The following AUTS2 variants were observed in gnomAD, a reference collection of about 807,000 sequenced individuals.
AUTS2 encodes autism susceptibility gene 2 protein.
A neutral mutation model predicts 112.4 loss-of-function variants in AUTS2; 17 were observed. The ratio of observed to expected loss-of-function variants is 0.15; its 90% CI spans 0.10 to 0.23. The LOEUF (loss-of-function observed/expected upper bound fraction) is 0.23, where lower values mean the gene tolerates loss of function less well. AUTS2 is among the 10% of genes least tolerant of loss of function. AUTS2 has a pLI of 1.00. For synonymous variants in AUTS2, 751 were observed against 702.7 expected, an observed-to-expected ratio of 1.07 and a Z score of -1.09; for missense variants, 1,510 against 1,701.6, an observed-to-expected ratio of 0.89 and a Z score of 1.98.
At chr7:70,483,024 G>C (rs1462278134) in intron 5 of AUTS2, among the ~76,000 whole-genome samples, 2 of 152,098 alleles carry the variant, frequency 1.3e-5, no homozygotes, top group African/African-American at 4.8e-5. Context: ...AAATCTGCAT[G>C]GCCCCTTCTT....
intron 6 of AUTS2, among the ~76,000 whole-genome samples, chr7:70,736,935 C>T (rs909261941): frequency 1.3e-5 from 2 of 152,148 alleles, no homozygotes; most frequent in Non-Finnish European, 2.9e-5. Flanking sequence ...TGTAAATCAC[C>T]GGCATTCCTG....
rs1467825379 is a variant in AUTS2 at position 70,118,125 on chromosome 7, C to T, written c.523-7C>T. ...TTTTCCTTTTTTCTCTTTTCTTTTG[C>T]CTTTAGCTCAAGCCAGGACAGAACA... On this transcript the variant is annotated splice_polypyrimidine_tract_variant and splice_region_variant and intron_variant, in intron 2 of 18. Transcript: ENST00000342771. 6.3e-7 allele frequency: 1 copy of T among 1,577,372 alleles called. No homozygotes were observed. The highest frequency in any genetic ancestry group is 2.3e-5 in the East Asian group (1 of 43,550).
At chr7:70,245,101 CAG>C (rs942621256) in intron 4 of AUTS2, among the ~76,000 whole-genome samples, 12 of 123,086 alleles carry the variant, frequency 9.7e-5, no homozygotes, top group Admixed American at 3.8e-4. Flanking sequence ...GCCTGGGTGA[CAG>C]AGTGAGATCC....
At chr7:69,910,377 A>G (rs1795304079) in intron 2 of AUTS2, among the ~76,000 whole-genome samples, 1 of 152,232 alleles carries the variant, frequency 6.6e-6, no homozygotes, top group South Asian at 2.1e-4. Flanking sequence ...ACACCTGCCA[A>G]GGGCGAGCCA....
chr7:70,256,537 A>C (rs1429492700), intron 4 of AUTS2, among the ~76,000 whole-genome samples: 6 of 152,238 alleles, frequency 3.9e-5, no homozygotes, highest in African/African-American at 1.4e-4. Context: ...ACGAGGAAGC[A>C]GTCTCAGAAT....
intron 4 of AUTS2, among the ~76,000 whole-genome samples, chr7:70,385,458 C>T (rs907031428): frequency 1.3e-5 from 2 of 152,198 alleles, no homozygotes; most frequent in Non-Finnish European, 1.5e-5. Context: ...CACAATTAAA[C>T]AAGTATCAAC....
At chr7:70,466,219 A>T (rs1797161724) in intron 5 of AUTS2, among the ~76,000 whole-genome samples, 1 of 152,216 alleles carries the variant, frequency 6.6e-6, no homozygotes, top group Non-Finnish European at 1.5e-5. Context: ...ATAAACAATG[A>T]AACAAGCTGA....
chr7:69,667,215 C>T (rs1225552968), intron 1 of AUTS2, among the ~76,000 whole-genome samples: 2 of 152,124 alleles, frequency 1.3e-5, no homozygotes, highest in Non-Finnish European at 2.9e-5. Flanking sequence ...AGGGCAGAGC[C>T]CCCATGACCC....
intron 5 of AUTS2, among the ~76,000 whole-genome samples, chr7:70,454,866 C>T (rs940918279): frequency 1.3e-5 from 2 of 152,198 alleles, no homozygotes; most frequent in African/African-American, 4.8e-5. Flanking sequence ...CCTCCCAAGG[C>T]TGTGGCAAAG....
chr7:70,283,662 A>G (rs1003367961), intron 4 of AUTS2, among the ~76,000 whole-genome samples: 1 of 152,158 alleles, frequency 6.6e-6, no homozygotes, highest in Non-Finnish European at 1.5e-5. Flanking sequence ...GTTAGGTTTT[A>G]CTTATTTTTT....
chr7:70,129,900 AT>A (rs1197712834), intron 3 of AUTS2, among the ~76,000 whole-genome samples: 194 of 141,662 alleles, frequency 1.4e-3, no homozygotes, highest in African/African-American at 4.9e-3. Flanking sequence ...ATATATATAT[AT>A]TGTGTGTGTG....
intron 1 of AUTS2, among the ~76,000 whole-genome samples, chr7:69,861,750 T>A (rs1350988630): frequency 1.3e-5 from 2 of 152,218 alleles, no homozygotes; most frequent in African/African-American, 2.4e-5. Context: ...AAGCTTTCCT[T>A]GGAATCTCCT....
chr7:70,295,378 TTGGAAGATACTGTCC>T (rs1305443559), intron 4 of AUTS2, among the ~76,000 whole-genome samples: 1 of 152,222 alleles, frequency 6.6e-6, no homozygotes, highest in African/African-American at 2.4e-5. Context: ...TGAGTGTCTT[TTGGAAGATACTGTCC>T]TATGTTGTTC....
At chr7:69,655,211 A>G (rs2129137640) in intron 1 of AUTS2, among the ~76,000 whole-genome samples, 1 of 152,296 alleles carries the variant, frequency 6.6e-6, no homozygotes, top group African/African-American at 2.4e-5. Flanking sequence ...AAAAAAATCT[A>G]CAATCTTGCA....
intron 4 of AUTS2, among the ~76,000 whole-genome samples, chr7:70,206,859 C>T (rs1810600436): frequency 6.6e-6 from 1 of 152,204 alleles, no homozygotes; most frequent in Non-Finnish European, 1.5e-5. Flanking sequence ...TTCTCCTCCT[C>T]AGATAGCAAG....
intron 1 of AUTS2, among the ~76,000 whole-genome samples, chr7:69,704,976 C>G (rs1394257767): frequency 6.6e-6 from 1 of 152,196 alleles, no homozygotes; most frequent in African/African-American, 2.4e-5. Context: ...AAGTGATCCT[C>G]TCACCTCAGC....
At chr7:70,661,323 G>T (rs1807058807) in intron 5 of AUTS2, among the ~76,000 whole-genome samples, 1 of 152,152 alleles carries the variant, frequency 6.6e-6, no homozygotes, top group Admixed American at 6.5e-5. Context: ...GTAGAATTAG[G>T]TTGCAGGAAT....
intron 1 of AUTS2, among the ~76,000 whole-genome samples, chr7:69,723,501 A>G (rs906416288): frequency 6.6e-6 from 1 of 152,106 alleles, no homozygotes; most frequent in African/African-American, 2.4e-5. Context: ...CAGTTTTCTC[A>G]TTTGTTAGAT....
intron 2 of AUTS2, among the ~76,000 whole-genome samples, chr7:69,905,609 C>T (rs1268824063): frequency 6.6e-6 from 1 of 152,122 alleles, no homozygotes; most frequent in East Asian, 1.9e-4. Flanking sequence ...TTTGTTTTAT[C>T]TGGACACCCG....
Sources: gnomAD v4.1 joint callset for allele counts (sites outside exome capture counted in the v4.1 genomes callset) on GRCh38, gnomAD v4.1.1 for gene constraint, MANE v1.5 for transcripts, NCBI Gene and HGNC (gene_info 2026-07-23, HGNC 2026-07-21) for gene names.